LRRIQ1: variants seen among roughly 807,000 people sequenced by gnomAD.
The protein encoded by LRRIQ1 is leucine-rich repeat- and IQ domain-containing protein 1.
LRRIQ1 carries 210 observed loss-of-function variants against 211.9 expected under a neutral mutation model. The ratio of observed to expected loss-of-function variants is 0.99; its 90% CI spans 0.89 to 1.11. LRRIQ1 has a LOEUF of 1.11. LRRIQ1 is among the 50% of genes most tolerant of loss of function. The pLI, the probability that LRRIQ1 is intolerant of heterozygous loss-of-function variation, is 0.00. For missense variants in LRRIQ1, 2,136 were observed against 1,939.5 expected, an observed-to-expected ratio of 1.10 and a Z score of -1.90; for synonymous variants, 699 against 650.1, an observed-to-expected ratio of 1.08 and a Z score of -1.14.
Position 85,257,197 on chromosome 12 carries a change from A to ATATTATATATTATTTTATATATAT in LRRIQ1, c.122-5718_122-5717insTATTATATATTATTTTATATATAT, listed in dbSNP as rs71076120. On this transcript the variant is annotated intron_variant, in intron 1 of 1. Coordinates refer to the LRRIQ1 transcript ENST00000602731. ...ATTATGTATTAATTATATATTATAT[A>ATATTATATATTATTTTATATATAT]AATATATATATATAAAGACTGGTTT... Among the ~76,000 whole-genome samples, 33 of 116,438 alleles carry ATATTATATATTATTTTATATATAT rather than the reference A, an allele frequency of 2.8e-4. 1 individual carries two copies. Among genetic ancestry groups the ATATTATATATTATTTTATATATAT allele is most frequent in the East Asian group, 4.3e-4 (2 of 4,640 alleles). The allele number at this position is 116,438 out of a possible 152,430, so 76.4% of individuals were successfully genotyped here. A position where few individuals can be genotyped will look rare whatever the true frequency, so the allele number is the denominator to read the frequency against.
Position 85,121,677 on chromosome 12 carries a change from T to A in LRRIQ1, c.3378-20T>A. 1 of 1,532,280 alleles carries A rather than the reference T, an allele frequency of 6.5e-7. No homozygotes were observed. The highest frequency in any genetic ancestry group is 8.8e-7 in the Non-Finnish European group (1 of 1,141,318). 94.9% of individuals were successfully genotyped at this position (1,532,280 alleles called of 1,614,324 possible). A position where few individuals can be genotyped will look rare whatever the true frequency, so the allele number is the denominator to read the frequency against. On this transcript the variant is annotated intron_variant, in intron 15 of 26. Transcript: ENST00000393217. ...CCTTATCAAGATCAGGATTATTAAC[T>A]TTTTTGTTGTTTTCAATAGGGATTC... is the stretch of plus-strand genomic sequence containing the variant.
At chr12:85,195,707 A>G (rs1282928330) in intron 24 of LRRIQ1, among the ~76,000 whole-genome samples, 1 of 151,898 alleles carries the variant, frequency 6.6e-6, no homozygotes, top group Non-Finnish European at 1.5e-5. Context: ...TGACAAACCC[A>G]CAGCCAATAT....
At chr12:85,160,789 T>C in intron 24 of LRRIQ1, 75 bp downstream of exon 24, 1 of 738,122 alleles carries the variant, frequency 1.4e-6, no homozygotes, top group Non-Finnish European at 2.0e-6. Context: ...TACAATAAAT[T>C]TTTAATTCTT....
In LRRIQ1 at chr12:85,047,255, G is replaced by C; in HGVS notation, c.463G>C (p.Asp155His). Residue 155 changes from aspartate to histidine, a missense_variant, in exon 6 of 27, where the codon GAT becomes CAT. Physicochemically the swap from Asp to His is moderately conservative, Grantham distance 81 (BLOSUM62 -1). Coordinates refer to ENST00000393217, the MANE Select transcript of LRRIQ1 (RefSeq NM_001079910.2). Reference protein sequence around the residue: ...MDEHVLPDDADINFGYCEVEE... With the variant: ...MDEHVLPDDAHINFGYCEVEE... ...TTTCTTCATGAGTGCAGATGATGCT[G>C]ATATAAATTTTGGATACTGTGAAGT... 1.9e-6 allele frequency: 3 copies of C among 1,589,612 alleles called. No homozygotes were observed. Among genetic ancestry groups the C allele is most frequent in the Non-Finnish European group, 2.6e-6 (3 of 1,172,700 alleles).
intron 2 of LRRIQ1, among the ~76,000 whole-genome samples, chr12:85,038,587 A>C (rs760013557): frequency 6.6e-5 from 10 of 151,702 alleles, no homozygotes; most frequent in Non-Finnish European, 1.5e-4. Flanking sequence ...ATCTTTTGAC[A>C]TATCAAAATG....
intron 26 of LRRIQ1, among the ~76,000 whole-genome samples, chr12:85,237,763 C>T (rs1478925866): frequency 6.6e-6 from 1 of 151,880 alleles, no homozygotes; most frequent in Non-Finnish European, 1.5e-5. Flanking sequence ...CCAAGTTAAT[C>T]AACAAATAAA....
intron 19 of LRRIQ1, among the ~76,000 whole-genome samples, chr12:85,139,518 T>C (rs11833251): frequency 0.24 from 36,199 of 151,310 alleles, 4,921 homozygotes; most frequent in African/African-American, 0.34. Context: ...TCAGTGAGAA[T>C]TTTGATATTC....
chr12:85,186,924 A>T, intron 24 of LRRIQ1, among the ~76,000 whole-genome samples: 1 of 152,228 alleles, frequency 6.6e-6, no homozygotes, highest in Middle Eastern at 3.4e-3. Flanking sequence ...GAAAAAATAT[A>T]TTTTAAACTG....
intron 24 of LRRIQ1, among the ~76,000 whole-genome samples, chr12:85,217,508 ATG>A (rs370971727): frequency 0.063 from 4,053 of 64,188 alleles, 111 homozygotes; most frequent in East Asian, 0.098. Context: ...ATATATATAT[ATG>A]TGTGTGTGTG....
intron 1 of LRRIQ1, among the ~76,000 whole-genome samples, chr12:85,258,306 A>G (rs919267408): frequency 6.6e-6 from 1 of 151,916 alleles, no homozygotes; most frequent in African/African-American, 2.4e-5. Flanking sequence ...TTAAATTTAT[A>G]TGAGTAAGAA....
At chr12:85,243,313 T>TTTATTA (rs10682844) in intron 26 of LRRIQ1, among the ~76,000 whole-genome samples, 15,264 of 140,592 alleles carry the variant, frequency 0.11, 966 homozygotes, top group Middle Eastern at 0.19. Flanking sequence ...ATGTATAACT[T>TTTATTA]TTATTATTAT....
chr12:85,263,381 A>AT (rs1896350827), exon 2 of LRRIQ1, among the ~76,000 whole-genome samples: 1 of 152,102 alleles, frequency 6.6e-6, no homozygotes, highest in Non-Finnish European at 1.5e-5. Context: ...AATAATAAAT[A>AT]TTAATGCTAT....
chr12:85,049,954 C>T (rs560804239), intron 6 of LRRIQ1, among the ~76,000 whole-genome samples: 2 of 152,252 alleles, frequency 1.3e-5, no homozygotes, highest in East Asian at 3.9e-4. Flanking sequence ...TCATTGATAT[C>T]CATTTTAGAC....
At chr12:85,049,566 TC>T (rs1880054241) in intron 6 of LRRIQ1, among the ~76,000 whole-genome samples, 1 of 152,156 alleles carries the variant, frequency 6.6e-6, no homozygotes, top group African/African-American at 2.4e-5. Flanking sequence ...ATGTTCAATT[TC>T]CTCCCATCCT....
intron 19 of LRRIQ1, among the ~76,000 whole-genome samples, chr12:85,144,866 A>T (rs1889782799): frequency 6.6e-6 from 1 of 151,634 alleles, no homozygotes; most frequent in African/African-American, 2.4e-5. Flanking sequence ...CCCCTTTTCC[A>T]TTGCCATCAC....
intron 26 of LRRIQ1, among the ~76,000 whole-genome samples, chr12:85,238,031 A>G (rs981836872): frequency 6.6e-6 from 1 of 152,094 alleles, no homozygotes; most frequent in African/African-American, 2.4e-5. Context: ...AGAGATCTAA[A>G]TGTTGAGGAA....
chr12:85,268,640 T>C (rs1262397522), downstream of LRRIQ1, among the ~76,000 whole-genome samples: 1 of 151,846 alleles, frequency 6.6e-6, no homozygotes, highest in Non-Finnish European at 1.5e-5. Context: ...AATAAGGTGG[T>C]TTTAGATTAT....
intron 18 of LRRIQ1, among the ~76,000 whole-genome samples, chr12:85,129,595 G>A (rs1429070513): frequency 2.6e-5 from 4 of 152,138 alleles, no homozygotes; most frequent in African/African-American, 9.7e-5. Flanking sequence ...ATTGGAGAGA[G>A]ACTTAGCCAT....
At chr12:85,239,201 A>C (rs1214488631) in intron 26 of LRRIQ1, among the ~76,000 whole-genome samples, 1 of 151,986 alleles carries the variant, frequency 6.6e-6, no homozygotes, top group East Asian at 1.9e-4. Flanking sequence ...ATCCCAGTAA[A>C]ATTTTTGGTA....
Sources: allele counts gnomAD v4.1 joint callset (sites outside exome capture counted in the v4.1 genomes callset), GRCh38; gene constraint gnomAD v4.1.1; transcripts MANE v1.5; gene names NCBI Gene and HGNC (gene_info 2026-07-23, HGNC 2026-07-21).